OR7C1: variants seen among roughly 807,000 people sequenced by gnomAD.
OR7C1 encodes olfactory receptor family 7 subfamily C member 1.
For missense variants in OR7C1, 324 were observed against 383.3 expected, an observed-to-expected ratio of 0.85 and a Z score of 1.29; for synonymous variants, 152 against 160.7, an observed-to-expected ratio of 0.95 and a Z score of 0.41.
rs1390375899 is a variant in OR7C1, at chr19:14,822,056, TG to T, written c.-622-12064del. Among the ~76,000 whole-genome samples, 3 of 152,316 alleles carry T rather than the reference TG, an allele frequency of 2.0e-5. No individual in the cohort carries two copies. The East Asian group carries it at 5.8e-4, about 29-fold the overall frequency. Reference sequence around the variant, plus strand: ...GATTTCCTTCTTTTTAAAGGCTGAGTGGTGTTCTATTGTGGATATGCACCAC... The same window carrying T: ...GATTTCCTTCTTTTTAAAGGCTGAGTGTGTTCTATTGTGGATATGCACCAC... On this transcript the variant is annotated intron_variant, in intron 1 of 4. Transcript: ENST00000641666.
chr19:14,815,784 CGT>C (rs34655691), intron 1 of OR7C1, among the ~76,000 whole-genome samples: 33,346 of 146,448 alleles, frequency 0.23, 3,819 homozygotes, highest in Non-Finnish European at 0.26. Flanking sequence ...TGAGTTTGTG[CGT>C]GTGTGTGTGT....
At chr19:14,827,686 G>A (rs2044784693) in intron 1 of OR7C1, 1 of 1,614,162 alleles carries the variant, frequency 6.2e-7, no homozygotes, top group Non-Finnish European at 8.5e-7. Flanking sequence ...CAAGCAAGTT[G>A]GATGACCTGA....
chr19:14,810,717 G>C (rs1403528476), intron 1 of OR7C1, among the ~76,000 whole-genome samples: 1 of 151,754 alleles, frequency 6.6e-6, no homozygotes, highest in Non-Finnish European at 1.5e-5. Flanking sequence ...CTTTGTCCTG[G>C]CTTCTATTCT....
chr19:14,823,123 A>G (rs541282212), intron 1 of OR7C1, among the ~76,000 whole-genome samples: 1 of 152,230 alleles, frequency 6.6e-6, no homozygotes, highest in East Asian at 1.9e-4. Context: ...TGGAAGGTTT[A>G]TAGCTTCAGG....
chr19:14,823,905 C>CTT (rs200113587), intron 1 of OR7C1, among the ~76,000 whole-genome samples: 15,670 of 139,878 alleles, frequency 0.11, 924 homozygotes, highest in African/African-American at 0.13. Flanking sequence ...CACTATTGTG[C>CTT]TTTTTTTTTT....
intron 1 of OR7C1, among the ~76,000 whole-genome samples, chr19:14,821,795 A>G (rs2044742258): frequency 6.6e-6 from 1 of 152,240 alleles, no homozygotes; most frequent in Admixed American, 6.5e-5. Context: ...ACATTCTCCT[A>G]GTGTGTCCTC....
chr19:14,800,111 G>T, exon 5 of OR7C1: 1 of 1,586,852 alleles, frequency 6.3e-7, no homozygotes, highest in Non-Finnish European at 8.6e-7. Flanking sequence ...AAATTCTTGG[G>T]CATGTGTTTG....
chr19:14,815,936 C>A (rs543395261), intron 1 of OR7C1, among the ~76,000 whole-genome samples: 25 of 152,190 alleles, frequency 1.6e-4, no homozygotes, highest in Admixed American at 4.6e-4. Context: ...ATCCTCCCAC[C>A]TCAACCTCCC....
intron 2 of OR7C1, among the ~76,000 whole-genome samples, chr19:14,808,734 A>G (rs558613978): frequency 1.3e-5 from 2 of 152,146 alleles, no homozygotes; most frequent in East Asian, 3.9e-4. Flanking sequence ...CAATGTATCT[A>G]TGTAACACAA....
chr19:14,810,524 C>T lies in OR7C1; in HGVS notation c.-622-531G>A, dbSNP rs559731133. 2.0e-3 allele frequency among the ~76,000 whole-genome samples: 304 copies of T among 151,132 alleles called. 2 individuals are homozygous for T. The highest frequency in any genetic ancestry group is 2.3e-3 in the Non-Finnish European group (153 of 67,864). On this transcript the variant is annotated intron_variant, in intron 1 of 4. Transcript: ENST00000641666. Reference sequence around the variant, plus strand: ...CCTCCCGAGTAGCTGGGACTACAGGCGCCCGCCACCATGCCCGGCTAATTT... The same window carrying T: ...CCTCCCGAGTAGCTGGGACTACAGGTGCCCGCCACCATGCCCGGCTAATTT...
chr19:14,800,095 G>A (rs1271036202), exon 5 of OR7C1: 1 of 1,598,280 alleles, frequency 6.3e-7, no homozygotes, highest in Non-Finnish European at 8.6e-7. Flanking sequence ...AAAATCCCAG[G>A]AGGAGAAATT....
chr19:14,808,372 G>A (rs1417693637), intron 2 of OR7C1, among the ~76,000 whole-genome samples: 1 of 151,950 alleles, frequency 6.6e-6, no homozygotes, highest in African/African-American at 2.4e-5. Context: ...CAACTTAAGT[G>A]TCCACCAATG....
At chr19:14,821,249 TAAAAAC>T (rs1330278720) in intron 1 of OR7C1, among the ~76,000 whole-genome samples, 1 of 151,592 alleles carries the variant, frequency 6.6e-6, no homozygotes, top group Non-Finnish European at 1.5e-5. Context: ...AAAGCAAAAA[TAAAAAC>T]AAAAACAAAA....
intron 1 of OR7C1, among the ~76,000 whole-genome samples, chr19:14,817,128 C>A (rs1231738724): frequency 1.3e-5 from 2 of 152,162 alleles, no homozygotes; most frequent in African/African-American, 4.8e-5. Context: ...AGCTTGCTAT[C>A]ATACCCCAAA....
intron 1 of OR7C1, among the ~76,000 whole-genome samples, chr19:14,831,329 T>C (rs2044830096): frequency 6.6e-6 from 1 of 152,262 alleles, no homozygotes; most frequent in African/African-American, 2.4e-5. Flanking sequence ...CATTTTTTTC[T>C]GTGCCTATTC....
At chr19:14,799,295 A>C in exon 5 of OR7C1, 1 of 1,614,098 alleles carries the variant, frequency 6.2e-7, no homozygotes, top group Non-Finnish European at 8.5e-7. Flanking sequence ...CATGGGGGTG[A>C]CCATGGTGTA....
At chr19:14,803,307 C>CA (rs553496845) in intron 2 of OR7C1, among the ~76,000 whole-genome samples, 16,752 of 83,300 alleles carry the variant, frequency 0.2, 1,595 homozygotes, top group East Asian at 0.25. Context: ...ACTATGTCTC[C>CA]AAAAAAAAAA....
chr19:14,834,922 A>G (rs1474095988), intron 1 of OR7C1, among the ~76,000 whole-genome samples, 152 bp downstream of exon 1: 1 of 152,196 alleles, frequency 6.6e-6, no homozygotes, highest in African/African-American at 2.4e-5. Flanking sequence ...ACGAGACATT[A>G]CTTAGTTAAT....
intron 1 of OR7C1, among the ~76,000 whole-genome samples, chr19:14,813,952 A>T (rs1328880592): frequency 6.6e-6 from 1 of 152,176 alleles, no homozygotes; most frequent in Non-Finnish European, 1.5e-5. Context: ...AATAAATGCC[A>T]TTGGGAAAAC....
Sources: allele counts gnomAD v4.1 joint callset (sites outside exome capture counted in the v4.1 genomes callset), GRCh38; gene constraint gnomAD v4.1.1; transcripts MANE v1.5; gene names NCBI Gene and HGNC (gene_info 2026-07-23, HGNC 2026-07-21).